Variants in SENP7 observed in about 807,000 individuals in gnomAD.
The protein encoded by SENP7 is sentrin-specific protease 7.
In SENP7, 64 loss-of-function variants were observed where a neutral mutation model predicts 141.2. That is an observed-to-expected ratio of 0.45 (90% CI 0.37 to 0.56). The LOEUF is 0.56. SENP7 is among the 20% of genes least tolerant of loss of function. The pLI, the probability that SENP7 is intolerant of heterozygous loss-of-function variation, is 0.00. For missense variants in SENP7, 1,025 were observed against 1,212.2 expected (o/e 0.85, Z 2.29); for synonymous variants, 382 against 426.4 (o/e 0.90, Z 1.28).
At chr3:101,491,753 A>G (rs55798976) in intron 3 of SENP7, among the ~76,000 whole-genome samples, 60,396 of 152,118 alleles carry the variant, frequency 0.4, 12,514 homozygotes, top group Admixed American at 0.54. Flanking sequence ...TTTTAAGCAA[A>G]GAATACTGAG....
At chr3:101,454,510 C>T in intron 4 of SENP7, among the ~76,000 whole-genome samples, 1 of 150,930 alleles carries the variant, frequency 6.6e-6, no homozygotes, top group East Asian at 1.9e-4. Context: ...GACTCCATCT[C>T]AAAAGAAAAA....
chr3:101,469,359 A>G lies in SENP7; in HGVS notation c.187-10307T>C, dbSNP rs566245931. On this transcript the variant is annotated intron_variant, in intron 3 of 23. Transcript: ENST00000394095. ...CACAGATAAACGAGACAGATGGTTA[A>G]TAAGGATATCCAGGACTTGAACTCA... 7.2e-4 allele frequency among the ~76,000 whole-genome samples: 110 copies of G among 152,318 alleles called. 1 individual carries two copies. Among genetic ancestry groups the G allele is most frequent in the African/African-American group, 2.4e-3 (98 of 41,576 alleles).
chr3:101,347,842 C>T lies in SENP7; in HGVS notation c.1837+30G>A, dbSNP rs752340739. 3 of 1,154,296 alleles carry T rather than the reference C, an allele frequency of 2.6e-6. No homozygotes were observed. The South Asian group carries it at 7.7e-5, about 30-fold the overall frequency. 71.5% of individuals were successfully genotyped at this position (1,154,296 alleles called of 1,614,324 possible). ...ACTATTTATGACAATTTCAAGTTATCCTGAAATTTAGAAATCATTTTATAC... is the reference window on the plus strand; with the variant it reads ...ACTATTTATGACAATTTCAAGTTATTCTGAAATTTAGAAATCATTTTATAC... On this transcript the variant is annotated intron_variant, in intron 13 of 23. Coordinates refer to ENST00000394095, the MANE Select transcript of SENP7 (RefSeq NM_020654.5).
intron 14 of SENP7, among the ~76,000 whole-genome samples, chr3:101,343,051 A>G (rs1054898912): frequency 6.6e-6 from 1 of 152,210 alleles, no homozygotes; most frequent in Non-Finnish European, 1.5e-5. Context: ...GAGATTACAT[A>G]TTACTGGAAA....
intron 3 of SENP7, among the ~76,000 whole-genome samples, chr3:101,472,029 T>C (rs556991590): frequency 2.4e-4 from 36 of 152,222 alleles, no homozygotes; most frequent in African/African-American, 7.9e-4. Flanking sequence ...TGTGGAGAAA[T>C]AGGAATGCTT....
In SENP7 at chr3:101,367,974, T is replaced by G. The variant is rs1576114690; in HGVS notation, c.834A>C (p.Glu278Asp). The change falls in exon 8 of 24, where the codon GAA becomes GAC. Residue 278 changes from glutamate to aspartate, a missense_variant. Glu to Asp is a conservative substitution (Grantham distance 45). This residue lies in a region of SENP7 where 496 missense variants were observed against 503.5 expected (regional missense o/e 0.99). Transcript: ENST00000394095. ...TAACATCCTTGTTTCTGCTTTCCTG[T>G]TCGAGATGATCACAACCTCTACTTC... is the stretch of plus-strand genomic sequence containing the variant. ...NSGSRGCDHL[E>D]QESRNKDVKY... The G allele has an allele frequency of 6.2e-7, 1 of 1,612,890 alleles. No individual in the cohort carries two copies. Among genetic ancestry groups the G allele is most frequent in the African/African-American group, 1.3e-5 (1 of 74,992 alleles).
At position 101,364,604 on chromosome 3, in the gene SENP7, C is replaced by T. The variant is rs533481686; in HGVS notation, c.1476+230G>A. ...AAAAGAAAAATATTCAAGTAATAGACTATTCAGACTGAAAAATATAAATCA... is the reference window on the plus strand; with the variant it reads ...AAAAGAAAAATATTCAAGTAATAGATTATTCAGACTGAAAAATATAAATCA... On this transcript the variant is annotated intron_variant, in intron 10 of 23. Coordinates refer to ENST00000394095, the MANE Select transcript of SENP7 (RefSeq NM_020654.5). Among the ~76,000 whole-genome samples, 3 of 152,276 alleles carry T rather than the reference C, an allele frequency of 2.0e-5. No individual in the cohort carries two copies. The South Asian group carries it at 6.2e-4, about 32-fold the overall frequency.
intron 6 of SENP7, among the ~76,000 whole-genome samples, chr3:101,396,503 CAACAGAAAGTACCTTCCTT>C (rs941927797): frequency 6.6e-6 from 1 of 151,704 alleles, no homozygotes; most frequent in Non-Finnish European, 1.5e-5. Context: ...ACTTTTTCTC[CAACAGAAAGTACCTTCCTT>C]AATATTTTCA....
chr3:101,366,684 T>C lies in SENP7; in HGVS notation c.1064A>G (p.Glu355Gly). The C allele has an allele frequency of 1.9e-6, 3 of 1,613,756 alleles. No individual in the cohort carries two copies. The highest frequency in any genetic ancestry group is 2.5e-6 in the Non-Finnish European group (3 of 1,179,778). ...NYHQDPKLPE[E>G]ITTKPTKSDF... is the part of the protein sequence containing the mutation. ...ACTTTTTGTAGGTTTAGTTGTAATT[T>C]CTTCAGGCAGTTTTGGATCCTGATG... Residue 355 changes from glutamate (E) to glycine (G), a missense_variant, in exon 9 of 24, where the codon GAA becomes GGA. Coordinates refer to ENST00000394095, the MANE Select transcript of SENP7 (RefSeq NM_020654.5).
chr3:101,413,783 A>T (rs1338566648), intron 5 of SENP7, among the ~76,000 whole-genome samples: 2 of 152,104 alleles, frequency 1.3e-5, no homozygotes, highest in African/African-American at 4.8e-5. Context: ...GATGTATACA[A>T]CAGTATATAC....
At chr3:101,430,508 GT>G (rs1398424089) in intron 4 of SENP7, among the ~76,000 whole-genome samples, 1 of 152,146 alleles carries the variant, frequency 6.6e-6, no homozygotes, top group Non-Finnish European at 1.5e-5. Context: ...ATGGTAGTTT[GT>G]ATTTCTGTGG....
At chr3:101,444,993 C>T (rs983683940) in intron 4 of SENP7, among the ~76,000 whole-genome samples, 3 of 151,952 alleles carry the variant, frequency 2.0e-5, no homozygotes, top group African/African-American at 7.2e-5. Context: ...TCAAATTTTA[C>T]CAAATAGATT....
At chr3:101,372,325 T>C (rs1034558929) in intron 6 of SENP7, among the ~76,000 whole-genome samples, 199 bp from the exon 7 acceptor site, 3 of 151,970 alleles carry the variant, frequency 2.0e-5, no homozygotes, top group African/African-American at 7.3e-5. Context: ...AAATTCCCCA[T>C]GTGTGTTTAG....
intron 12 of SENP7, 40 bp downstream of exon 12, chr3:101,351,576 ACT>A (rs1428062944): frequency 1.5e-6 from 2 of 1,292,876 alleles, no homozygotes; most frequent in African/African-American, 1.6e-5. Context: ...TATACTAAAA[ACT>A]ATAGTAAAAA....
intron 3 of SENP7, among the ~76,000 whole-genome samples, chr3:101,482,197 C>A (rs1242025119): frequency 1.3e-5 from 2 of 151,598 alleles, no homozygotes; most frequent in South Asian, 2.1e-4. Context: ...CCTGTAGTCC[C>A]AACTACTCGG....
intron 1 of SENP7, among the ~76,000 whole-genome samples, chr3:101,507,170 G>A (rs1342702604): frequency 2.0e-5 from 3 of 151,864 alleles, no homozygotes; most frequent in South Asian, 2.1e-4. Flanking sequence ...GAGCACACAC[G>A]AACTAGGATG....
At chr3:101,489,619 A>G (rs1363744891) in intron 3 of SENP7, among the ~76,000 whole-genome samples, 1 of 151,442 alleles carries the variant, frequency 6.6e-6, no homozygotes, top group Non-Finnish European at 1.5e-5. Flanking sequence ...AACTAATTAT[A>G]TATGCACCCA....
chr3:101,344,545 G>C (rs953837079), intron 13 of SENP7, among the ~76,000 whole-genome samples: 2 of 152,146 alleles, frequency 1.3e-5, no homozygotes, highest in Admixed American at 1.3e-4. Flanking sequence ...TAGGAAAAAG[G>C]TAGAGGGATC....
At chr3:101,392,596 T>TA (rs904773698) in intron 6 of SENP7, among the ~76,000 whole-genome samples, 4 of 152,162 alleles carry the variant, frequency 2.6e-5, no homozygotes, top group Non-Finnish European at 5.9e-5. Flanking sequence ...CTAATAGTGT[T>TA]AAAATGACCA....
Sources: gnomAD v4.1 joint callset for allele counts (sites outside exome capture counted in the v4.1 genomes callset) on GRCh38, gnomAD v4.1.1 for gene constraint, gnomAD v4.1.1 regional missense constraint, MANE v1.5 for transcripts, NCBI Gene and HGNC (gene_info 2026-07-23, HGNC 2026-07-21) for gene names.